The following PKNOX2 variants were observed in gnomAD, a reference collection of about 807,000 sequenced individuals.
PKNOX2 encodes the protein PBX/knotted 1 homeobox 2, also known as homeobox protein PKNOX2.
Under a neutral mutation model 53.1 loss-of-function variants are expected in PKNOX2, and 14 were observed. That is an observed-to-expected ratio of 0.26 (90% CI 0.17 to 0.41). The LOEUF (loss-of-function observed/expected upper bound fraction) is 0.41. Ranked by LOEUF, PKNOX2 falls within the 10% of genes least tolerant of loss-of-function variation. The pLI is 1.00. For missense variants in PKNOX2, 496 were observed against 602.8 expected, an observed-to-expected ratio of 0.82 and a Z score of 1.85; for synonymous variants, 257 against 242.8, an observed-to-expected ratio of 1.06 and a Z score of -0.54.
chr11:125,416,634 C>CAGGT (rs764465217), intron 10 of PKNOX2, among the ~76,000 whole-genome samples: 4 of 152,062 alleles, frequency 2.6e-5, no homozygotes, highest in African/African-American at 4.8e-5. Flanking sequence ...TTCAGATAAG[C>CAGGT]AGGTAGTGTG....
At chr11:125,214,516 A>G (rs188781700) in intron 1 of PKNOX2, among the ~76,000 whole-genome samples, 1 of 152,166 alleles carries the variant, frequency 6.6e-6, no homozygotes, top group Admixed American at 6.5e-5. Flanking sequence ...AAGGGAAAAA[A>G]GGAAAGGCTC....
intron 5 of PKNOX2, among the ~76,000 whole-genome samples, chr11:125,374,562 A>G (rs73628709): frequency 0.056 from 8,462 of 152,236 alleles, 735 homozygotes; most frequent in African/African-American, 0.18. Context: ...GGCCTCCCGC[A>G]CCAAGCCCAG....
intron 4 of PKNOX2, among the ~76,000 whole-genome samples, chr11:125,359,976 G>T (rs758779093): frequency 6.6e-6 from 1 of 152,008 alleles, no homozygotes; most frequent in Admixed American, 6.5e-5. Flanking sequence ...TGCCCGCCTC[G>T]GCCTCCCAAA....
intron 1 of PKNOX2, among the ~76,000 whole-genome samples, chr11:125,175,310 C>A (rs1038387628): frequency 1.3e-5 from 2 of 152,228 alleles, no homozygotes; most frequent in African/African-American, 4.8e-5. Flanking sequence ...GCACCATTGG[C>A]TGCTGGCAGG....
intron 3 of PKNOX2, among the ~76,000 whole-genome samples, chr11:125,344,807 T>C (rs73618152): frequency 0.044 from 6,638 of 152,264 alleles, 290 homozygotes; most frequent in African/African-American, 0.11. Context: ...GGCTCTGTGC[T>C]GGGTGCGGTG....
chr11:125,225,185 G>A (rs903017584), intron 1 of PKNOX2, among the ~76,000 whole-genome samples: 5 of 152,166 alleles, frequency 3.3e-5, no homozygotes, highest in Admixed American at 6.5e-5. Flanking sequence ...GTTCTGAAAC[G>A]CCTGCTGGGG....
chr11:125,198,355 G>A (rs1240119572), intron 1 of PKNOX2, among the ~76,000 whole-genome samples: 7 of 152,232 alleles, frequency 4.6e-5, no homozygotes, highest in Admixed American at 3.9e-4. Flanking sequence ...GGTGGGGGTA[G>A]AGGGCGATAC....
At chr11:125,184,723 G>T (rs78337067) in intron 1 of PKNOX2, among the ~76,000 whole-genome samples, 6,214 of 152,180 alleles carry the variant, frequency 0.041, 393 homozygotes, top group African/African-American at 0.14. Flanking sequence ...TCACACCCAG[G>T]AGCCTCTGAT....
chr11:125,167,301 G>A (rs1238286382), intron 1 of PKNOX2, among the ~76,000 whole-genome samples: 1 of 152,188 alleles, frequency 6.6e-6, no homozygotes, highest in Non-Finnish European at 1.5e-5. Flanking sequence ...GGCAGGGAGA[G>A]CCAGACAGCC....
chr11:125,395,458 A>T (rs1954320635), intron 6 of PKNOX2, among the ~76,000 whole-genome samples: 1 of 152,236 alleles, frequency 6.6e-6, no homozygotes, highest in African/African-American at 2.4e-5. Flanking sequence ...TTGCTGGGTC[A>T]TATGGTACGC....
chr11:125,277,840 G>C (rs570599566), intron 2 of PKNOX2, among the ~76,000 whole-genome samples: 1 of 152,258 alleles, frequency 6.6e-6, no homozygotes, highest in East Asian at 1.9e-4. Context: ...ACACTGATTT[G>C]ATCATTTCAC....
intron 1 of PKNOX2, among the ~76,000 whole-genome samples, chr11:125,199,600 T>C (rs2135394628): frequency 6.6e-6 from 1 of 152,246 alleles, no homozygotes; most frequent in African/African-American, 2.4e-5. Context: ...TCCCAGTACT[T>C]TGGGAGGCCA....
At chr11:125,359,975 C>T (rs1371846170) in intron 4 of PKNOX2, among the ~76,000 whole-genome samples, 8 of 152,092 alleles carry the variant, frequency 5.3e-5, no homozygotes, top group Admixed American at 4.6e-4. Context: ...CTGCCCGCCT[C>T]GGCCTCCCAA....
rs199552377 is a variant in PKNOX2 at position 125,316,824 on chromosome 11, GGCAATT to G, written c.-129-14994_-129-14989del. Reference sequence around the variant, plus strand: ...AGTTGCTGAAGGATGGGGTGGCTGTGGCAATTTCTTAAAATAAGACAACAATGAAGT... The same window carrying G: ...AGTTGCTGAAGGATGGGGTGGCTGTGTCTTAAAATAAGACAACAATGAAGT... On this transcript the variant is annotated intron_variant, in intron 2 of 12. Transcript: ENST00000298282. Among the ~76,000 whole-genome samples the G allele has an allele frequency of 1.3e-3, 198 of 152,294 alleles. 5 individuals carry two copies. The East Asian group carries it at 0.031, about 24-fold the overall frequency.
rs1402395479 is a variant in PKNOX2 at position 125,166,997 on chromosome 11, C to A, written c.-201+2221C>A. Among the ~76,000 whole-genome samples, 1 of 152,156 alleles carries A rather than the reference C, an allele frequency of 6.6e-6. No homozygotes were observed. The highest frequency in any genetic ancestry group is 2.4e-5 in the African/African-American group (1 of 41,434). ...AAGCCCCTGCCCTTGCCCTCCTGCTCTCTCTGCCGTTCTGGCCTTCGGAGG... is the reference window on the plus strand; with the variant it reads ...AAGCCCCTGCCCTTGCCCTCCTGCTATCTCTGCCGTTCTGGCCTTCGGAGG... On this transcript the variant is annotated intron_variant, in intron 1 of 12. Coordinates refer to ENST00000298282, the MANE Select transcript of PKNOX2 (RefSeq NM_001382323.2). The surrounding 1 kb of genome is among the most constrained non-coding windows in gnomAD (Gnocchi z 4.0).
At chr11:125,244,864 TC>T (rs1943437217) in intron 2 of PKNOX2, among the ~76,000 whole-genome samples, 1 of 152,058 alleles carries the variant, frequency 6.6e-6, no homozygotes, top group African/African-American at 2.4e-5. Flanking sequence ...TGGATCCTTT[TC>T]CAGGCTGGGA....
chr11:125,169,668 C>T (rs1449955018), intron 1 of PKNOX2, among the ~76,000 whole-genome samples: 1 of 152,174 alleles, frequency 6.6e-6, no homozygotes, highest in East Asian at 1.9e-4. Context: ...AGATGATGGG[C>T]TTGGATCAAG....
At chr11:125,331,295 C>A (rs1950127460) in intron 2 of PKNOX2, among the ~76,000 whole-genome samples, 1 of 152,216 alleles carries the variant, frequency 6.6e-6, no homozygotes, top group African/African-American at 2.4e-5. Flanking sequence ...GGCCCATTCC[C>A]CTCCGACTCT....
rs370830575 is a variant in PKNOX2, at chr11:125,393,522, G to C, written c.400-4352G>C. ...GTTTGGACTGTGCAGCCACCTAGAG[G>C]CTGGTCCAGGTCACCGTGTGGGGTT... On this transcript the variant is annotated intron_variant, in intron 6 of 12. Coordinates refer to ENST00000298282, the MANE Select transcript of PKNOX2 (RefSeq NM_001382323.2). Among the ~76,000 whole-genome samples the C allele has an allele frequency of 7.9e-5, 12 of 152,150 alleles. No individual in the cohort carries two copies. The East Asian group carries it at 1.2e-3, about 15-fold the overall frequency.
Sources: allele counts gnomAD v4.1 joint callset (sites outside exome capture counted in the v4.1 genomes callset), GRCh38; gene constraint gnomAD v4.1.1; non-coding constraint Gnocchi (gnomAD v3.1); transcripts MANE v1.5; gene names NCBI Gene and HGNC (gene_info 2026-07-23, HGNC 2026-07-21).